Variants in CADPS observed in about 807,000 individuals in gnomAD.
CADPS encodes calcium dependent secretion activator, also known as calcium-dependent secretion activator 1.
A neutral mutation model predicts 167.3 loss-of-function variants in CADPS; 57 were observed. That is an observed-to-expected ratio of 0.34 (90% CI 0.28 to 0.42). The LOEUF (loss-of-function observed/expected upper bound fraction) is 0.42. CADPS is among the 20% of genes least tolerant of loss of function. The pLI, the probability that CADPS is intolerant of heterozygous loss-of-function variation, is 1.00. For synonymous variants in CADPS, 676 were observed against 635.3 expected, an observed-to-expected ratio of 1.06 and a Z score of -0.96; for missense variants, 1,414 against 1,738.1, an observed-to-expected ratio of 0.81 and a Z score of 3.32.
chr3:62,753,637 T>A lies in CADPS; in HGVS notation c.692A>T (p.Glu231Val), dbSNP rs960807970. Residue 231 changes from glutamate (E) to valine (V), a missense_variant, in exon 3 of 30, where the codon GAG becomes GTG. Physicochemically the swap from Glu to Val is moderately radical, Grantham distance 121. This residue lies in a region of CADPS where 522 missense variants were observed against 559.5 expected (regional missense o/e 0.93). Transcript: ENST00000383710. The surrounding 1 kb of genome is among the most constrained non-coding windows in gnomAD (Gnocchi z 4.6). ...SLPEIDGLSK[E>V]TVLSSWMAKF... ...GGCCATCCAGGAGCTCAGCACAGTC[T>A]CCTTGCTGAGGCCGTCAATCTCAGG... 4.3e-6 allele frequency: 7 copies of A among 1,614,028 alleles called. No individual in the cohort carries two copies. Among genetic ancestry groups the A allele is most frequent in the Non-Finnish European group, 5.1e-6 (6 of 1,180,026 alleles).
chr3:62,456,770 A>AG (rs1247854338), intron 26 of CADPS, among the ~76,000 whole-genome samples: 2 of 151,904 alleles, frequency 1.3e-5, no homozygotes, highest in African/African-American at 4.8e-5. Context: ...GTCTAAAAAA[A>AG]AAAAAAAAAC....
At chr3:62,614,035 G>A (rs2061889490) in intron 6 of CADPS, among the ~76,000 whole-genome samples, 1 of 152,222 alleles carries the variant, frequency 6.6e-6, no homozygotes, top group African/African-American at 2.4e-5. Context: ...GAGGGCCTGG[G>A]AAAATCTCAG....
intron 3 of CADPS, among the ~76,000 whole-genome samples, chr3:62,744,358 C>CAA (rs35709214): frequency 1.3e-4 from 18 of 140,060 alleles, no homozygotes; most frequent in East Asian, 6.2e-4. Context: ...TTCATATTTT[C>CAA]AAAAAAAAAA....
In CADPS at chr3:62,753,806, G is replaced by A; in HGVS notation, c.556-33C>T. On this transcript the variant is annotated intron_variant, in intron 2 of 29. Transcript: ENST00000383710. The surrounding 1 kb of genome is among the most constrained non-coding windows in gnomAD (Gnocchi z 4.6). ...AGAACAAGGCCAGGAAAGACAGTAG[G>A]AGAGTTTACCACAGAGGTACCAGTT... 6.3e-7 allele frequency: 1 copy of A among 1,579,098 alleles called. No homozygotes were observed. Among genetic ancestry groups the A allele is most frequent in the South Asian group, 1.2e-5 (1 of 85,096 alleles).
chr3:62,782,858 C>A (rs2091896373), intron 1 of CADPS, among the ~76,000 whole-genome samples: 2 of 150,546 alleles, frequency 1.3e-5, no homozygotes, highest in Admixed American at 1.3e-4. Flanking sequence ...CTCCTGGGTT[C>A]AAACGATTCT....
intron 9 of CADPS, among the ~76,000 whole-genome samples, chr3:62,559,787 C>T (rs890378745): frequency 2.0e-5 from 3 of 152,110 alleles, no homozygotes; most frequent in Admixed American, 6.5e-5. Context: ...AGCCACCATG[C>T]CCAGCCGGAT....
intron 2 of CADPS, among the ~76,000 whole-genome samples, chr3:62,755,300 T>C (rs1464522953): frequency 6.6e-6 from 1 of 152,140 alleles, no homozygotes; most frequent in Non-Finnish European, 1.5e-5. Context: ...ACTTCTTCTA[T>C]TAAGAAAGTC....
intron 1 of CADPS, among the ~76,000 whole-genome samples, chr3:62,804,491 A>G (rs2093968141): frequency 6.6e-6 from 1 of 152,148 alleles, no homozygotes; most frequent in Non-Finnish European, 1.5e-5. Context: ...CCTTATTTAT[A>G]TTAATGTTTA....
At chr3:62,608,122 GCATCTGGGGCTCCTTACACTGAC>G (rs1183890419) in intron 6 of CADPS, among the ~76,000 whole-genome samples, 1 of 152,052 alleles carries the variant, frequency 6.6e-6, no homozygotes, top group African/African-American at 2.4e-5. Flanking sequence ...GTTCCCAGTT[GCATCTGGGGCTCCTTACACTGAC>G]CACTGGGGCT....
intron 27 of CADPS, among the ~76,000 whole-genome samples, chr3:62,442,484 G>C (rs566043903): frequency 6.6e-6 from 1 of 152,110 alleles, no homozygotes; most frequent in Non-Finnish European, 1.5e-5. Context: ...CTCCCAAAGT[G>C]CTGGTATTAT....
intron 3 of CADPS, among the ~76,000 whole-genome samples, chr3:62,707,256 G>A (rs2082484327): frequency 1.3e-5 from 2 of 152,098 alleles, no homozygotes. Flanking sequence ...TCCATTGTAT[G>A]CTCCTTATGA....
At chr3:62,740,475 C>G (rs559502235) in intron 3 of CADPS, among the ~76,000 whole-genome samples, 1 of 152,298 alleles carries the variant, frequency 6.6e-6, no homozygotes, top group African/African-American at 2.4e-5. Context: ...CCACATTACA[C>G]TTATGATACA....
chr3:62,534,345 C>G (rs752343612), intron 12 of CADPS, among the ~76,000 whole-genome samples: 8 of 152,184 alleles, frequency 5.3e-5, no homozygotes, highest in South Asian at 2.1e-4. Context: ...CTTTGCAACA[C>G]TCTAATCTTG....
chr3:62,634,610 G>A (rs2065921456), intron 6 of CADPS, among the ~76,000 whole-genome samples: 1 of 152,188 alleles, frequency 6.6e-6, no homozygotes, highest in Non-Finnish European at 1.5e-5. Flanking sequence ...CACTGAGCAT[G>A]CGCAAGTCCA....
intron 1 of CADPS, among the ~76,000 whole-genome samples, chr3:62,831,921 TAAGAG>T (rs1186189752): frequency 2.6e-5 from 4 of 152,296 alleles, no homozygotes; most frequent in Non-Finnish European, 5.9e-5. Context: ...ACAGACTAGT[TAAGAG>T]TCTTGACCAA....
At chr3:62,617,467 T>C (rs1002431862) in intron 6 of CADPS, among the ~76,000 whole-genome samples, 1 of 152,206 alleles carries the variant, frequency 6.6e-6, no homozygotes. Context: ...AGTCTGTGTT[T>C]ATTTCTTCAA....
chr3:62,653,939 A>G (rs940554780), intron 4 of CADPS, among the ~76,000 whole-genome samples: 2 of 152,182 alleles, frequency 1.3e-5, no homozygotes, highest in Non-Finnish European at 2.9e-5. Context: ...CACGCTGTGC[A>G]TGAATGTGAG....
Position 62,538,966 on chromosome 3 carries a change from G to C in CADPS, c.1967-2385C>G, listed in dbSNP as rs567812847. Among the ~76,000 whole-genome samples the C allele has an allele frequency of 2.0e-5, 3 of 152,134 alleles. No homozygotes were observed. The South Asian group carries it at 6.2e-4, about 32-fold the overall frequency. On this transcript the variant is annotated intron_variant, in intron 11 of 29. Coordinates refer to ENST00000383710, the MANE Select transcript of CADPS (RefSeq NM_003716.4). ...CTTTGTGGTGCTAATTCTAGTCGAAGTCTAAAGAACAATTTCATTTTTTAC... is the reference window on the plus strand; with the variant it reads ...CTTTGTGGTGCTAATTCTAGTCGAACTCTAAAGAACAATTTCATTTTTTAC...
intron 6 of CADPS, among the ~76,000 whole-genome samples, chr3:62,621,282 A>G (rs1858382): frequency 0.027 from 4,092 of 152,042 alleles, 199 homozygotes; most frequent in African/African-American, 0.093. Context: ...GCAGAAAGAG[A>G]ATGCTGGTCC....
Sources: allele counts gnomAD v4.1 joint callset (sites outside exome capture counted in the v4.1 genomes callset), GRCh38; gene constraint gnomAD v4.1.1; regional missense constraint gnomAD v4.1.1; non-coding constraint Gnocchi (gnomAD v3.1); transcripts MANE v1.5; gene names NCBI Gene and HGNC (gene_info 2026-07-23, HGNC 2026-07-21).